Variants in ARFGEF2 observed in about 807,000 individuals in gnomAD.
The protein encoded by ARFGEF2 is ARF guanine nucleotide exchange factor 2.
Under a neutral mutation model 219.9 loss-of-function variants are expected in ARFGEF2, and 74 were observed. The observed-to-expected ratio is 0.34, with a 90% CI of 0.28 to 0.41. ARFGEF2 has a LOEUF of 0.41. Among genes scored for constraint, ARFGEF2 ranks in the 10% least tolerant of loss-of-function variants. The pLI, the probability that ARFGEF2 is intolerant of heterozygous loss-of-function variation, is 1.00. For synonymous variants in ARFGEF2, 733 were observed against 799.2 expected, an observed-to-expected ratio of 0.92 and a Z score of 1.40; for missense variants, 1,743 against 2,218.3, an observed-to-expected ratio of 0.79 and a Z score of 4.30.
At chr20:49,024,661 C>G (rs1048144803) in intron 35 of ARFGEF2, among the ~76,000 whole-genome samples, 4 of 152,264 alleles carry the variant, frequency 2.6e-5, no homozygotes, top group East Asian at 1.9e-4. Flanking sequence ...AAATTTTAGG[C>G]AGCTTGTTCA....
intron 1 of ARFGEF2, among the ~76,000 whole-genome samples, chr20:48,936,636 T>C (rs977328777): frequency 6.6e-6 from 1 of 152,202 alleles, no homozygotes; most frequent in Non-Finnish European, 1.5e-5. Flanking sequence ...GCAGTTCTCC[T>C]GCCTCAGCTT....
At chr20:48,967,894 ATGT>A (rs1356657054) in intron 8 of ARFGEF2, among the ~76,000 whole-genome samples, 2 of 152,156 alleles carry the variant, frequency 1.3e-5, no homozygotes, top group Non-Finnish European at 2.9e-5. Flanking sequence ...TTGCTTATCC[ATGT>A]TGTTTTCATT....
chr20:48,990,494 G>A (rs926769733), intron 20 of ARFGEF2, among the ~76,000 whole-genome samples: 1 of 152,134 alleles, frequency 6.6e-6, no homozygotes, highest in Admixed American at 6.5e-5. Context: ...TAAGTCAGAA[G>A]TTGCACCCCA....
At chr20:49,027,585 A>T (rs1051645566) in intron 36 of ARFGEF2, among the ~76,000 whole-genome samples, 1 of 151,992 alleles carries the variant, frequency 6.6e-6, no homozygotes, top group Non-Finnish European at 1.5e-5. Flanking sequence ...AGTCCCAGCT[A>T]CGCAGGAGGC....
At position 48,940,247 on chromosome 20, in the gene ARFGEF2, C is replaced by T. The variant is rs180997503; in HGVS notation, c.122-952C>T. ...TTAATTTTAATTCAAAAAAGTCACACGTGCCTTAGCACAATGTGAATGTAC... is the reference window on the plus strand; with the variant it reads ...TTAATTTTAATTCAAAAAAGTCACATGTGCCTTAGCACAATGTGAATGTAC... On this transcript the variant is annotated intron_variant, in intron 1 of 38. Coordinates refer to ENST00000371917, the MANE Select transcript of ARFGEF2 (RefSeq NM_006420.3). 1.9e-3 allele frequency among the ~76,000 whole-genome samples: 291 copies of T among 152,294 alleles called. 1 individual carries two copies. Among genetic ancestry groups the T allele is most frequent in the African/African-American group, 6.6e-3 (276 of 41,554 alleles).
At chr20:48,934,514 C>G (rs370999457) in intron 1 of ARFGEF2, among the ~76,000 whole-genome samples, 2 of 152,226 alleles carry the variant, frequency 1.3e-5, no homozygotes, top group South Asian at 4.1e-4. Flanking sequence ...TGCCTCCCAC[C>G]CCTCAACAGG....
At chr20:48,959,906 G>A (rs953725381) in intron 6 of ARFGEF2, among the ~76,000 whole-genome samples, 1 of 151,836 alleles carries the variant, frequency 6.6e-6, no homozygotes, top group Non-Finnish European at 1.5e-5. Flanking sequence ...CCACCAGAAC[G>A]TTTTATATTT....
In ARFGEF2 at chr20:48,994,481, G is replaced by A. The variant is rs1416907001; in HGVS notation, c.3004G>A (p.Ala1002Thr). The A allele has an allele frequency of 1.9e-6, 3 of 1,613,858 alleles. No homozygotes were observed. The highest frequency in any genetic ancestry group is 4.5e-5 in the East Asian group (2 of 44,880). Residue 1002 changes from alanine to threonine, a missense_variant, in exon 22 of 39, where the codon GCT becomes ACT. Physicochemically the swap from Ala to Thr is moderately conservative, Grantham distance 58. Transcript: ENST00000371917. ...ILKCISQLELAQLIGTGVKTR... is the reference protein window; with the variant it reads ...ILKCISQLELTQLIGTGVKTR... ...GAAATGCATCAGCCAGCTGGAGCTCGCTCAGCTGATAGGAACCGGTGTGAA... is the reference window on the plus strand; with the variant it reads ...GAAATGCATCAGCCAGCTGGAGCTCACTCAGCTGATAGGAACCGGTGTGAA...
Position 49,036,264 on chromosome 20 carries a change from T to C in ARFGEF2, c.*3065T>C, listed in dbSNP as rs1384886997. ...GTTTTGTTATCAGCAGCTTTGCAGT[T>C]TGGGAAACAAAGAAACCAAAGCTGA... On this transcript the variant is annotated 3_prime_UTR_variant, in exon 39 of 39. Coordinates refer to ENST00000371917, the MANE Select transcript of ARFGEF2 (RefSeq NM_006420.3). The C allele has an allele frequency of 5.0e-6, 2 of 398,206 alleles. No homozygotes were observed. The highest frequency in any genetic ancestry group is 4.4e-6 in the Non-Finnish European group (1 of 225,934). 24.7% of individuals were successfully genotyped at this position (398,206 alleles called of 1,614,324 possible).
At chr20:49,008,146 A>T (rs1481223604) in intron 26 of ARFGEF2, among the ~76,000 whole-genome samples, 2 of 152,256 alleles carry the variant, frequency 1.3e-5, no homozygotes, top group African/African-American at 2.4e-5. Flanking sequence ...TGTGAAATAT[A>T]GTAAAGCGTT....
chr20:49,018,960 A>T lies in ARFGEF2; in HGVS notation c.4586A>T (p.Asn1529Ile), dbSNP rs781078519. 1 of 1,614,054 alleles carries T rather than the reference A, an allele frequency of 6.2e-7. No homozygotes were observed. The highest frequency in any genetic ancestry group is 1.1e-5 in the South Asian group (1 of 91,078). ...PSERGQSQLSNPTDDSWKGRP... is the reference protein window; with the variant it reads ...PSERGQSQLSIPTDDSWKGRP... ...GAGAGGGGACAGAGCCAGCTCTCTAACCCAACAGATGACAGCTGGAAGGGT... is the reference window on the plus strand; with the variant it reads ...GAGAGGGGACAGAGCCAGCTCTCTATCCCAACAGATGACAGCTGGAAGGGT... Residue 1529 changes from asparagine to isoleucine, a missense_variant, in exon 34 of 39, where the codon AAC becomes ATC. Around this residue, in one of 5 missense-constraint regions of ARFGEF2, gnomAD observed 578 missense variants for 664.0 expected, o/e 0.87. Transcript: ENST00000371917.
Position 48,965,921 on chromosome 20 carries a change from A to T in ARFGEF2, c.957A>T (p.Glu319Asp). Reference protein sequence around the residue: ...GLTEPERVLGELECQECAIPP... With the variant: ...GLTEPERVLGDLECQECAIPP... ...CAGAACCTGAGAGAGTTCTAGGTGA[A>T]CTGGAGTGCCAGGAATGTGCTATTC... Residue 319 changes from glutamate to aspartate, a missense_variant, in exon 8 of 39, where the codon GAA becomes GAT. Glu to Asp is a conservative substitution (Grantham distance 45). This residue lies in a region of ARFGEF2 where 394 missense variants were observed against 426.6 expected (regional missense o/e 0.92). Coordinates refer to ENST00000371917, the MANE Select transcript of ARFGEF2 (RefSeq NM_006420.3). 2 of 1,614,194 alleles carry T rather than the reference A, an allele frequency of 1.2e-6. No individual in the cohort carries two copies. The highest frequency in any genetic ancestry group is 1.7e-6 in the Non-Finnish European group (2 of 1,180,024).
intron 34 of ARFGEF2, among the ~76,000 whole-genome samples, chr20:49,020,557 T>C (rs1354846584): frequency 6.6e-6 from 1 of 152,230 alleles, no homozygotes; most frequent in Non-Finnish European, 1.5e-5. Context: ...GCAATCCTCC[T>C]GCCTCAGGCT....
intron 1 of ARFGEF2, among the ~76,000 whole-genome samples, chr20:48,937,339 A>C (rs984787264): frequency 6.6e-6 from 1 of 152,184 alleles, no homozygotes; most frequent in Non-Finnish European, 1.5e-5. Flanking sequence ...TCCCTTACAA[A>C]GATGCCGTTA....
rs73264266 is a variant in ARFGEF2 at position 48,995,721 on chromosome 20, T to G, written c.3122-62T>G. 4,762 of 1,400,812 alleles carry G rather than the reference T, an allele frequency of 3.4e-3. 133 individuals are homozygous for G. The African/African-American group carries it at 0.059, about 17-fold the overall frequency. 86.8% of individuals were successfully genotyped at this position (1,400,812 alleles called of 1,614,324 possible). A position where few individuals can be genotyped will look rare whatever the true frequency, so the allele number is the denominator to read the frequency against. On this transcript the variant is annotated intron_variant, in intron 22 of 38. Coordinates refer to ENST00000371917, the MANE Select transcript of ARFGEF2 (RefSeq NM_006420.3). Reference sequence around the variant, plus strand: ...GTCCCTGCGTGTTGACATAACAGGATGCTTTGTTCTAAATACTTGACTGTT... The same window carrying G: ...GTCCCTGCGTGTTGACATAACAGGAGGCTTTGTTCTAAATACTTGACTGTT...
chr20:48,975,144 G>A (rs1248485896), intron 13 of ARFGEF2, among the ~76,000 whole-genome samples: 4 of 152,110 alleles, frequency 2.6e-5, no homozygotes, highest in African/African-American at 4.8e-5. Context: ...TCACCTTTAT[G>A]ATATACCACA....
intron 1 of ARFGEF2, among the ~76,000 whole-genome samples, chr20:48,939,091 C>A (rs1430080806): frequency 6.6e-6 from 1 of 151,634 alleles, no homozygotes; most frequent in South Asian, 2.1e-4. Flanking sequence ...TCTCCTGCCT[C>A]AGCCTCCTGA....
intron 4 of ARFGEF2, 39 bp downstream of exon 4, chr20:48,951,508 A>G: frequency 1.9e-6 from 3 of 1,613,554 alleles, no homozygotes; most frequent in Non-Finnish European, 2.5e-6. Context: ...TTTAAATTAG[A>G]AAGCAAGTCC....
intron 25 of ARFGEF2, among the ~76,000 whole-genome samples, chr20:48,999,768 A>G (rs2091414110): frequency 2.6e-5 from 4 of 151,402 alleles, no homozygotes; most frequent in Admixed American, 2.6e-4. Flanking sequence ...AAAAAAAAAA[A>G]GAAATGTATG....
Sources: allele counts gnomAD v4.1 joint callset (sites outside exome capture counted in the v4.1 genomes callset), GRCh38; gene constraint gnomAD v4.1.1; regional missense constraint gnomAD v4.1.1; transcripts MANE v1.5; gene names NCBI Gene and HGNC (gene_info 2026-07-23, HGNC 2026-07-21).